The following NECTIN2 variants were observed in gnomAD, a reference collection of about 807,000 sequenced individuals.
NECTIN2 encodes nectin-2.
In NECTIN2, 23 loss-of-function variants were observed where a neutral mutation model predicts 56.9. That is an observed-to-expected ratio of 0.40 (90% CI 0.29 to 0.57). The LOEUF (loss-of-function observed/expected upper bound fraction) is 0.57. NECTIN2 is among the 20% of genes least tolerant of loss of function. The probability of loss-of-function intolerance (pLI) is 0.38; values close to 1 mark genes in which losing one functional copy is unlikely to be tolerated. For synonymous variants in NECTIN2, 302 were observed against 313.8 expected, an observed-to-expected ratio of 0.96 and a Z score of 0.40; for missense variants, 587 against 718.3, an observed-to-expected ratio of 0.82 and a Z score of 2.09.
intron 1 of NECTIN2, among the ~76,000 whole-genome samples, chr19:44,861,797 A>G (rs571777388): frequency 6.6e-6 from 1 of 152,342 alleles, no homozygotes; most frequent in East Asian, 1.9e-4. Context: ...ACAATGAGAT[A>G]CCATCTCACA....
chr19:44,860,172 C>T (rs1233965934), intron 1 of NECTIN2, among the ~76,000 whole-genome samples: 3 of 152,088 alleles, frequency 2.0e-5, no homozygotes, highest in Non-Finnish European at 4.4e-5. Flanking sequence ...AAAGTTGCAT[C>T]GTGGCTGGGG....
chr19:44,854,812 C>CA (rs201030320), intron 1 of NECTIN2, among the ~76,000 whole-genome samples: 2,376 of 151,100 alleles, frequency 0.016, 63 homozygotes, highest in African/African-American at 0.053. Context: ...GACTCCACCT[C>CA]AAAAAAAATT....
At chr19:44,854,419 T>C (rs1386895929) in intron 1 of NECTIN2, among the ~76,000 whole-genome samples, 2 of 152,028 alleles carry the variant, frequency 1.3e-5, no homozygotes, top group African/African-American at 2.4e-5. Flanking sequence ...CCAAATCCAG[T>C]AGTGCTCAGA....
intron 6 of NECTIN2, among the ~76,000 whole-genome samples, chr19:44,885,705 G>T (rs1038517333): frequency 6.6e-6 from 1 of 152,180 alleles, no homozygotes; most frequent in Admixed American, 6.6e-5. Context: ...GCCCTGAGGG[G>T]GAAGTACAGC....
chr19:44,846,957 C>G (rs1380771870), intron 1 of NECTIN2, among the ~76,000 whole-genome samples: 1 of 152,054 alleles, frequency 6.6e-6, no homozygotes, highest in African/African-American at 2.4e-5. Context: ...CACCCCGCGC[C>G]GAGTAGTTCA....
chr19:44,870,327 G>A (rs1048266075), intron 2 of NECTIN2, among the ~76,000 whole-genome samples: 4 of 152,112 alleles, frequency 2.6e-5, no homozygotes, highest in Non-Finnish European at 1.5e-5. Context: ...GATGTGGGGA[G>A]GCTTGTTGGA....
chr19:44,868,472 T>C (rs981771610), intron 2 of NECTIN2, among the ~76,000 whole-genome samples: 2 of 138,290 alleles, frequency 1.4e-5, no homozygotes, highest in African/African-American at 2.7e-5. Context: ...TTTTCTTTTT[T>C]TTTTTTTTTC....
rs946606819 is a variant in NECTIN2, at chr19:44,876,648, G to C, written c.1042+2170G>C. On this transcript the variant is annotated intron_variant, in intron 5 of 8. Transcript: ENST00000252483. Reference sequence around the variant, plus strand: ...ACGAACCCACATCCAGGCACACACAGAGTCGTCACAGAGACACAGTATGGA... The same window carrying C: ...ACGAACCCACATCCAGGCACACACACAGTCGTCACAGAGACACAGTATGGA... Among the ~76,000 whole-genome samples the C allele has an allele frequency of 4.6e-5, 7 of 152,154 alleles. No homozygotes were observed. In the East Asian group the frequency reaches 7.7e-4, roughly 17 times the overall value.
chr19:44,883,629 C>A (rs1969331415), intron 6 of NECTIN2, among the ~76,000 whole-genome samples: 2 of 152,098 alleles, frequency 1.3e-5, no homozygotes, highest in Admixed American at 1.3e-4. Context: ...CGAGACCAGA[C>A]TGAACATCAA....
chr19:44,848,654 G>T (rs1354424825), intron 1 of NECTIN2, among the ~76,000 whole-genome samples: 1 of 150,574 alleles, frequency 6.6e-6, no homozygotes, highest in Non-Finnish European at 1.5e-5. Flanking sequence ...CGGCTGGCAT[G>T]TGCTCGCTCT....
chr19:44,849,201 C>T (rs1293531169), intron 1 of NECTIN2, among the ~76,000 whole-genome samples: 1 of 151,538 alleles, frequency 6.6e-6, no homozygotes, highest in African/African-American at 2.4e-5. Flanking sequence ...AGTGAAATGC[C>T]GGCACAGGGT....
intron 1 of NECTIN2, among the ~76,000 whole-genome samples, chr19:44,863,486 A>T (rs1223739815): frequency 1.3e-5 from 2 of 152,218 alleles, no homozygotes; most frequent in African/African-American, 4.8e-5. Flanking sequence ...GGTGATAGAT[A>T]TGCTAAAAGC....
At chr19:44,877,860 A>C (rs1969257647) in intron 5 of NECTIN2, among the ~76,000 whole-genome samples, 1 of 152,190 alleles carries the variant, frequency 6.6e-6, no homozygotes, top group South Asian at 2.1e-4. Context: ...GTGTTGCTAG[A>C]TCTGATTTGT....
At chr19:44,852,912 C>G (rs894734387) in intron 1 of NECTIN2, among the ~76,000 whole-genome samples, 1 of 151,966 alleles carries the variant, frequency 6.6e-6, no homozygotes, top group Non-Finnish European at 1.5e-5. Context: ...TGAGAACAGC[C>G]TAGGCAACAA....
At chr19:44,886,251 G>A (rs1191735214) in intron 8 of NECTIN2, 32 bp downstream of exon 8, 3 of 1,571,934 alleles carry the variant, frequency 1.9e-6, no homozygotes, top group East Asian at 2.2e-5. Context: ...AAGGTGGGTT[G>A]GGGGTCTGGG....
At chr19:44,877,258 AC>A (rs1461030238) in intron 5 of NECTIN2, among the ~76,000 whole-genome samples, 1 of 151,668 alleles carries the variant, frequency 6.6e-6, no homozygotes, top group Non-Finnish European at 1.5e-5. Flanking sequence ...TGAACCCCCC[AC>A]CCCCGTCTGT....
chr19:44,874,060 G>A lies in NECTIN2; in HGVS notation c.893+27G>A. ...TGAGTCACGTGGTCTCAGAACCCTGGGTCTGAGGGAGGCGGGGCTGGGGGC... is the reference window on the plus strand; with the variant it reads ...TGAGTCACGTGGTCTCAGAACCCTGAGTCTGAGGGAGGCGGGGCTGGGGGC... On this transcript the variant is annotated intron_variant, in intron 4 of 8. Coordinates refer to ENST00000252483, the MANE Select transcript of NECTIN2 (RefSeq NM_001042724.2). This position sits in a 1 kb window ranked among gnomAD's most constrained non-coding sequence, Gnocchi z 6.3. The A allele has an allele frequency of 3.2e-6, 5 of 1,574,692 alleles. No individual in the cohort carries two copies. The highest frequency in any genetic ancestry group is 4.4e-6 in the Non-Finnish European group (5 of 1,146,658).
intron 1 of NECTIN2, among the ~76,000 whole-genome samples, chr19:44,848,888 A>C (rs929535126): frequency 4.2e-4 from 64 of 151,250 alleles, no homozygotes; most frequent in African/African-American, 1.5e-3. Flanking sequence ...ATGCGGGTGC[A>C]CCACCTGGGC....
rs967037264 is a variant in NECTIN2 at position 44,872,158 on chromosome 19, A to G, written c.775+9A>G. ...GACCCTCTCTGTACGCTGTGAGTGT[A>G]TCGGGGGTGACCCCTCCCCCATCAA... On this transcript the variant is annotated intron_variant, in intron 3 of 8. Coordinates refer to ENST00000252483, the MANE Select transcript of NECTIN2 (RefSeq NM_001042724.2). 1.2e-6 allele frequency: 2 copies of G among 1,608,514 alleles called. No homozygotes were observed. The highest frequency in any genetic ancestry group is 2.2e-5 in the South Asian group (2 of 90,950).
Sources: allele counts gnomAD v4.1 joint callset (sites outside exome capture counted in the v4.1 genomes callset), GRCh38; gene constraint gnomAD v4.1.1; non-coding constraint Gnocchi (gnomAD v3.1); transcripts MANE v1.5; gene names NCBI Gene and HGNC (gene_info 2026-07-23, HGNC 2026-07-21).